Variants in DNM3 observed in about 807,000 individuals in gnomAD.
DNM3 encodes the protein dynamin 3, also known as dynamin-3.
A neutral mutation model predicts 101.6 loss-of-function variants in DNM3; 47 were observed. The observed-to-expected ratio is 0.46, with a 90% CI of 0.37 to 0.59. The LOEUF (loss-of-function observed/expected upper bound fraction) is 0.59, where lower values mean the gene tolerates loss of function less well. DNM3 is among the 20% of genes least tolerant of loss of function. The probability of loss-of-function intolerance (pLI) is 0.00; values close to 1 mark genes in which losing one functional copy is unlikely to be tolerated. For synonymous variants in DNM3, 385 were observed against 387.9 expected (o/e 0.99, Z 0.09); for missense variants, 849 against 1,085.7 (o/e 0.78, Z 3.06).
intron 1 of DNM3, among the ~76,000 whole-genome samples, chr1:171,859,845 A>T (rs533972761): frequency 6.6e-6 from 1 of 152,276 alleles, no homozygotes; most frequent in South Asian, 2.1e-4. Flanking sequence ...AATCAGTCAT[A>T]AGAAGAGCCA....
chr1:171,940,222 GT>G (rs2041722186), intron 2 of DNM3, among the ~76,000 whole-genome samples: 3 of 152,102 alleles, frequency 2.0e-5, no homozygotes. Flanking sequence ...AATTGTGTTA[GT>G]TTAATATTAA....
intron 14 of DNM3, chr1:172,144,805 G>T (rs1399358690): frequency 9.1e-6 from 3 of 328,244 alleles, no homozygotes; most frequent in Non-Finnish European, 1.2e-5. Context: ...GCAGACTGGG[G>T]AACTGGCAAT....
At chr1:171,939,909 G>A (rs1353368438) in intron 2 of DNM3, among the ~76,000 whole-genome samples, 4 of 152,070 alleles carry the variant, frequency 2.6e-5, no homozygotes, top group Admixed American at 6.6e-5. Flanking sequence ...AGTCTGGAAG[G>A]CATTGTCTCT....
rs5778713 is a variant in DNM3, at chr1:171,893,453, C to CTT, written c.162-28285_162-28284dup. Among the ~76,000 whole-genome samples, 69 of 147,592 alleles carry CTT rather than the reference C, an allele frequency of 4.7e-4. No individual in the cohort carries two copies. The East Asian group carries it at 6.7e-3, about 14-fold the overall frequency. On this transcript the variant is annotated intron_variant, in intron 1 of 20. Transcript: ENST00000627582. ...CTATTTTCAATTATTTAATATTTGA[C>CTT]TTTTTTTTTTTGTCTTTTGAGACAG...
rs531360844 is a variant in DNM3, at chr1:172,220,106, T to C, written c.1660-33467T>C. On this transcript the variant is annotated intron_variant, in intron 14 of 20. Transcript: ENST00000627582. ...GCAAACCCAGAATTCATTGCATTAA[T>C]CCAGCCTAAATATTTTAAGGACATG... 1.2e-4 allele frequency among the ~76,000 whole-genome samples: 19 copies of C among 152,262 alleles called. No individual in the cohort carries two copies. In the South Asian group the frequency reaches 3.9e-3, roughly 32 times the overall value.
intron 2 of DNM3, among the ~76,000 whole-genome samples, chr1:171,922,225 G>C (rs1180727488): frequency 6.6e-6 from 1 of 151,394 alleles, no homozygotes; most frequent in Non-Finnish European, 1.5e-5. Flanking sequence ...TATCTGTATG[G>C]ATGTGTATGT....
chr1:172,209,448 T>C (rs979666744), intron 14 of DNM3, among the ~76,000 whole-genome samples: 2 of 152,064 alleles, frequency 1.3e-5, no homozygotes, highest in Non-Finnish European at 2.9e-5. Flanking sequence ...ACTTTACTTA[T>C]ACTAGATATG....
At chr1:171,928,805 A>G (rs2040781705) in intron 2 of DNM3, among the ~76,000 whole-genome samples, 1 of 151,898 alleles carries the variant, frequency 6.6e-6, no homozygotes, top group East Asian at 1.9e-4. Flanking sequence ...GAGATATGGG[A>G]ATGGGCACCC....
In DNM3 at chr1:172,266,895, A is replaced by G. The variant is rs1011678907; in HGVS notation, c.1769+13213A>G. Among the ~76,000 whole-genome samples the G allele has an allele frequency of 5.9e-5, 9 of 152,112 alleles. No homozygotes were observed. In the South Asian group the frequency reaches 1.0e-3, roughly 18 times the overall value. ...TTCTGTAACTTTACGTGTGATATAAAAATTTGGTTTTCCCCATGCTTTATC... is the reference window on the plus strand; with the variant it reads ...TTCTGTAACTTTACGTGTGATATAAGAATTTGGTTTTCCCCATGCTTTATC... On this transcript the variant is annotated intron_variant, in intron 15 of 20. Coordinates refer to ENST00000627582, the MANE Select transcript of DNM3 (RefSeq NM_015569.5).
At chr1:172,358,200 A>T (rs80164081) in intron 17 of DNM3, among the ~76,000 whole-genome samples, 547 of 152,178 alleles carry the variant, frequency 3.6e-3, no homozygotes, top group African/African-American at 0.013. Context: ...CTTCAAGAAT[A>T]AAAAATGAGA....
chr1:171,890,361 C>G (rs2037161067), intron 1 of DNM3, among the ~76,000 whole-genome samples: 2 of 152,120 alleles, frequency 1.3e-5, no homozygotes, highest in African/African-American at 4.8e-5. Flanking sequence ...GAAAAACCAA[C>G]TAGTTGGTTC....
intron 1 of DNM3, among the ~76,000 whole-genome samples, chr1:171,919,075 A>G (rs2039950151): frequency 6.6e-6 from 1 of 152,088 alleles, no homozygotes. Flanking sequence ...TTGGCATTTT[A>G]TACATCCTAA....
At chr1:172,303,623 C>G (rs896003545) in intron 15 of DNM3, among the ~76,000 whole-genome samples, 1 of 152,114 alleles carries the variant, frequency 6.6e-6, no homozygotes, top group Admixed American at 6.5e-5. Context: ...TAAGGGCAGC[C>G]AGAGAGAAAG....
chr1:172,009,754 A>G (rs1271008489), intron 4 of DNM3, among the ~76,000 whole-genome samples: 1 of 151,452 alleles, frequency 6.6e-6, no homozygotes, highest in Non-Finnish European at 1.5e-5. Context: ...GCAGTATATT[A>G]TAGATTTCAG....
At chr1:172,054,735 G>C (rs1233616209) in intron 10 of DNM3, among the ~76,000 whole-genome samples, 2 of 152,170 alleles carry the variant, frequency 1.3e-5, no homozygotes, top group African/African-American at 2.4e-5. Context: ...GAGGCGGATG[G>C]ATCACCTGAG....
chr1:171,908,837 A>G (rs920223728), intron 1 of DNM3, among the ~76,000 whole-genome samples: 1 of 152,248 alleles, frequency 6.6e-6, no homozygotes, highest in Admixed American at 6.5e-5. Context: ...TATATATTCC[A>G]AGCTTATCTT....
chr1:172,171,690 A>G (rs974641521), intron 14 of DNM3, among the ~76,000 whole-genome samples: 7 of 151,728 alleles, frequency 4.6e-5, no homozygotes, highest in African/African-American at 1.7e-4. Context: ...AAATGTGTTG[A>G]TATCAACCTT....
chr1:172,298,722 A>G (rs536543130), intron 15 of DNM3, among the ~76,000 whole-genome samples: 1 of 152,228 alleles, frequency 6.6e-6, no homozygotes, highest in South Asian at 2.1e-4. Flanking sequence ...TATAATGTTG[A>G]ACATAAAAAT....
At chr1:172,388,238 A>G (rs78811660) in intron 19 of DNM3, among the ~76,000 whole-genome samples, 50 of 149,682 alleles carry the variant, frequency 3.3e-4, no homozygotes, top group Admixed American at 3.3e-3. Context: ...CGCCTCAAAG[A>G]AAAAAAAAAG....
Sources: allele counts gnomAD v4.1 joint callset (sites outside exome capture counted in the v4.1 genomes callset), GRCh38; gene constraint gnomAD v4.1.1; transcripts MANE v1.5; gene names NCBI Gene and HGNC (gene_info 2026-07-23, HGNC 2026-07-21).